Variants in IQANK1 observed in about 807,000 individuals in gnomAD.
The protein encoded by IQANK1 is IQ motif and ankyrin repeat domain-containing protein 1.
Under a neutral mutation model 22.6 loss-of-function variants are expected in IQANK1, and 30 were observed. The observed-to-expected ratio is 1.33, with a 90% CI of 0.99 to 1.80. The LOEUF is 1.80. Among genes scored for constraint, IQANK1 ranks in the 40% most tolerant of loss-of-function variants. The pLI is 0.00. For missense variants in IQANK1, 275 were observed against 235.2 expected, an observed-to-expected ratio of 1.17 and a Z score of -1.11; for synonymous variants, 122 against 99.6, an observed-to-expected ratio of 1.23 and a Z score of -1.34.
At chr8:143,749,486 A>G (rs1554627788) in intron 3 of IQANK1, among the ~76,000 whole-genome samples, 1 of 133,978 alleles carries the variant, frequency 7.5e-6, no homozygotes, top group Admixed American at 7.6e-5. Context: ...ATGTATAAAT[A>G]TATAAATATA....
intron 3 of IQANK1, 144 bp downstream of exon 3, chr8:143,740,092 G>A (rs1818863129): frequency 5.7e-6 from 3 of 525,658 alleles, no homozygotes; most frequent in Non-Finnish European, 1.0e-5. Context: ...GTGGGAGTGC[G>A]CGTGTACGCG....
Position 143,742,023 on chromosome 8 carries a change from T to G in IQANK1, c.175+2075T>G. 1.1e-5 allele frequency: 3 copies of G among 268,752 alleles called. No individual in the cohort carries two copies. The South Asian group carries it at 1.3e-4, about 11-fold the overall frequency. 16.6% of individuals were successfully genotyped at this position (268,752 alleles called of 1,614,324 possible). ...GGGGCCTGCTGGCTGACGTCCATGG[T>G]GCAGTCGTGATGTCCACGAGCCTGT... On this transcript the variant is annotated intron_variant, in intron 3 of 13. Transcript: ENST00000527139.
intron 3 of IQANK1, among the ~76,000 whole-genome samples, chr8:143,767,906 CAG>C (rs1441574325): frequency 1.0e-5 from 1 of 96,902 alleles, no homozygotes; most frequent in Non-Finnish European, 1.9e-5. Context: ...TTTTGTGAGA[CAG>C]AGTCTCGCTC....
At chr8:143,745,614 G>T (rs1176332575) in intron 3 of IQANK1, 1 of 152,052 alleles carries the variant, frequency 6.6e-6, no homozygotes, top group Non-Finnish European at 1.5e-5. Flanking sequence ...GTAGAGATGG[G>T]GTTTCATCAT....
intron 3 of IQANK1, among the ~76,000 whole-genome samples, chr8:143,749,328 A>G (rs1373230997): frequency 2.3e-5 from 1 of 43,166 alleles, no homozygotes; most frequent in African/African-American, 9.5e-5. Context: ...ATATAAAAAT[A>G]TATAAAATAT....
intron 3 of IQANK1, among the ~76,000 whole-genome samples, chr8:143,768,624 A>T (rs1298587288): frequency 1.3e-5 from 2 of 151,198 alleles, no homozygotes; most frequent in Non-Finnish European, 2.9e-5. Context: ...CTTTCCCTCC[A>T]CTCCCTCTAG....
chr8:143,781,883 G>A (rs1388340304), intron 7 of IQANK1, among the ~76,000 whole-genome samples: 5 of 152,266 alleles, frequency 3.3e-5, no homozygotes, highest in Non-Finnish European at 4.4e-5. Flanking sequence ...TAGGAATAGC[G>A]TCGAATCTGT....
chr8:143,737,322 G>A (rs1022269346), intron 2 of IQANK1, among the ~76,000 whole-genome samples: 6 of 152,204 alleles, frequency 3.9e-5, no homozygotes, highest in Non-Finnish European at 7.4e-5. Context: ...GCCCTGCACC[G>A]CAGCCCATAC....
intron 3 of IQANK1, chr8:143,742,608 C>T (rs1254738048): frequency 2.2e-6 from 1 of 455,978 alleles, no homozygotes; most frequent in African/African-American, 2.0e-5. Context: ...CCTGGGAAGG[C>T]AGCATTCCAG....
intron 3 of IQANK1, among the ~76,000 whole-genome samples, chr8:143,765,225 C>T (rs1036841600): frequency 3.9e-5 from 6 of 151,912 alleles, no homozygotes; most frequent in East Asian, 3.9e-4. Flanking sequence ...GGCATGGTGG[C>T]GCACGCCTGT....
intron 3 of IQANK1, among the ~76,000 whole-genome samples, chr8:143,753,547 G>A (rs534243614): frequency 5.6e-4 from 83 of 148,978 alleles, no homozygotes; most frequent in Middle Eastern, 3.5e-3. Context: ...TCTGCCTCCC[G>A]GTTTCAAGTG....
intron 3 of IQANK1, among the ~76,000 whole-genome samples, chr8:143,754,300 C>T (rs1264104589): frequency 6.6e-6 from 1 of 152,182 alleles, no homozygotes; most frequent in Non-Finnish European, 1.5e-5. Context: ...ACTATGTTAT[C>T]ATTCGGCCGT....
In IQANK1 at chr8:143,758,181, C is replaced by T. The variant is rs1177338404; in HGVS notation, c.176-13307C>T. The T allele has an allele frequency of 6.6e-6, 1 of 152,198 alleles. No homozygotes were observed. The highest frequency in any genetic ancestry group is 1.9e-4 in the East Asian group (1 of 5,196). The allele number at this position is 152,198 out of a possible 1,614,324, so 9.4% of individuals were successfully genotyped here. A position where few individuals can be genotyped will look rare whatever the true frequency, so the allele number is the denominator to read the frequency against. ...ATTTTTCACGTTCTAAAAGACAAAACAGGCTCAGCGCAGTGGCTCACGCCT... is the reference window on the plus strand; with the variant it reads ...ATTTTTCACGTTCTAAAAGACAAAATAGGCTCAGCGCAGTGGCTCACGCCT... On this transcript the variant is annotated intron_variant, in intron 3 of 13. Coordinates refer to ENST00000527139, the MANE Select transcript of IQANK1 (RefSeq NM_001381874.1). The surrounding 1 kb of genome is among the most constrained non-coding windows in gnomAD (Gnocchi z 4.2).
intron 3 of IQANK1, among the ~76,000 whole-genome samples, chr8:143,764,574 C>T (rs1819453191): frequency 6.6e-6 from 1 of 151,982 alleles, no homozygotes; most frequent in Non-Finnish European, 1.5e-5. Flanking sequence ...TGCACTCCAG[C>T]CTCAGTAACA....
chr8:143,777,795 G>A (rs1183985221), intron 7 of IQANK1, among the ~76,000 whole-genome samples: 1 of 152,094 alleles, frequency 6.6e-6, no homozygotes, highest in Admixed American at 6.6e-5. Context: ...AGAGGAAAAG[G>A]AAAAGAACCA....
At chr8:143,738,661 G>T (rs901881719) in intron 2 of IQANK1, among the ~76,000 whole-genome samples, 2 of 152,238 alleles carry the variant, frequency 1.3e-5, no homozygotes, top group African/African-American at 4.8e-5. Context: ...AGCAACGGGC[G>T]TGCCTGGTCC....
At chr8:143,748,038 A>G (rs1416146537) in intron 3 of IQANK1, among the ~76,000 whole-genome samples, 1 of 148,190 alleles carries the variant, frequency 6.7e-6, no homozygotes, top group African/African-American at 2.5e-5. Context: ...CCTGTCACCC[A>G]GGCTGGAGTG....
intron 3 of IQANK1, among the ~76,000 whole-genome samples, chr8:143,753,307 C>T (rs1451181321): frequency 1.3e-5 from 2 of 152,024 alleles, no homozygotes; most frequent in Non-Finnish European, 2.9e-5. Context: ...AGCCACCGCA[C>T]CTGGCCTTTT....
chr8:143,753,316 T>G (rs1211914719), intron 3 of IQANK1, among the ~76,000 whole-genome samples: 4 of 152,064 alleles, frequency 2.6e-5, no homozygotes, highest in Admixed American at 2.6e-4. Context: ...ACCTGGCCTT[T>G]TTGTTAATAT....
Sources: gnomAD v4.1 joint callset for allele counts (sites outside exome capture counted in the v4.1 genomes callset) on GRCh38, gnomAD v4.1.1 for gene constraint, Gnocchi (gnomAD v3.1) non-coding constraint, MANE v1.5 for transcripts, NCBI Gene and HGNC (gene_info 2026-07-23, HGNC 2026-07-21) for gene names.